The following CYP4Z1 variants were observed in gnomAD, a reference collection of about 807,000 sequenced individuals.
The protein encoded by CYP4Z1 is cytochrome P450 4Z1.
Under a neutral mutation model 54.2 loss-of-function variants are expected in CYP4Z1, and 41 were observed. That is an observed-to-expected ratio of 0.76 (90% confidence interval 0.59 to 0.98). CYP4Z1 has a LOEUF of 0.98. CYP4Z1 is among the 50% of genes least tolerant of loss of function. The pLI is 0.00. For synonymous variants in CYP4Z1, 163 were observed against 206.2 expected (o/e 0.79, Z 1.79); for missense variants, 513 against 599.0 (o/e 0.86, Z 1.50).
At chr1:47,093,918 C>G (rs1557628407) in intron 6 of CYP4Z1, among the ~76,000 whole-genome samples, 1 of 152,192 alleles carries the variant, frequency 6.6e-6, no homozygotes, top group Non-Finnish European at 1.5e-5. Context: ...TTGGCAGAGT[C>G]TTCAGGGTTT....
intron 10 of CYP4Z1, among the ~76,000 whole-genome samples, chr1:47,116,095 TC>T (rs952404906): frequency 2.6e-5 from 4 of 152,040 alleles, no homozygotes; most frequent in Admixed American, 2.6e-4. Flanking sequence ...ACAAGCACAC[TC>T]CTGGGCTGCA....
chr1:47,084,823 G>C lies in CYP4Z1; in HGVS notation c.618-1G>C. On this transcript the variant is annotated splice_acceptor_variant, in intron 5 of 11. Transcript: ENST00000334194. LOFTEE classifies it high-confidence loss of function. ...ATGTTGTTCCATCTTCCCTATTCCA[G>C]TACCCTGGACTCATACCTGAAAGCA... 1 of 1,538,174 alleles carries C rather than the reference G, an allele frequency of 6.5e-7. No homozygotes were observed. The highest frequency in any genetic ancestry group is 8.7e-7 in the Non-Finnish European group (1 of 1,151,806).
Position 47,094,609 on chromosome 1 carries a change from A to G in CYP4Z1, c.816A>G (p.Leu272=). The part of the protein sequence containing the change: ...QDRKESLKDK[L]KQDTTQKRRW... The stretch of plus-strand genomic sequence containing the variant: ...GGAAGGAGTCTCTTAAGGATAAGCT[A>G]AAACAAGATACTACTCAGAAAAGGC... Residue 272 remains leucine (L), a synonymous_variant, in exon 7 of 12, where the codon CTA becomes CTG. Coordinates refer to ENST00000334194, the MANE Select transcript of CYP4Z1 (RefSeq NM_178134.3). 6.2e-7 allele frequency: 1 copy of G among 1,610,298 alleles called. No homozygotes were observed. The highest frequency in any genetic ancestry group is 8.5e-7 in the Non-Finnish European group (1 of 1,178,842).
At chr1:47,109,582 G>C (rs531313854) in intron 9 of CYP4Z1, among the ~76,000 whole-genome samples, 39 of 152,204 alleles carry the variant, frequency 2.6e-4, no homozygotes, top group Non-Finnish European at 3.7e-4. Flanking sequence ...TCTGCTGACA[G>C]ATTGTGACTC....
At chr1:47,068,555 T>C (rs1428510433) in intron 1 of CYP4Z1, 67 bp from the exon 2 acceptor site, 5 of 1,579,728 alleles carry the variant, frequency 3.2e-6, no homozygotes, top group Non-Finnish European at 4.3e-6. Context: ...ACATGGTCCA[T>C]CCGAGGGAAA....
At chr1:47,114,378 G>C (rs1644814621) in intron 9 of CYP4Z1, among the ~76,000 whole-genome samples, 1 of 152,116 alleles carries the variant, frequency 6.6e-6, no homozygotes, top group Non-Finnish European at 1.5e-5. Context: ...TCAGGACATA[G>C]GCATGGGCAA....
In CYP4Z1 at chr1:47,068,698, G is replaced by T; in HGVS notation, c.254G>T (p.Gly85Val). The T allele has an allele frequency of 6.2e-7, 1 of 1,614,122 alleles. No individual in the cohort carries two copies. Among genetic ancestry groups the T allele is most frequent in the Non-Finnish European group, 8.5e-7 (1 of 1,180,006 alleles). Residue 85 changes from glycine to valine, a missense_variant, in exon 2 of 12, where the codon GGA (glycine) becomes GTA (valine). Transcript: ENST00000334194. ...KYPCAVPLWV[G>V]PFTMFFSVHD... ...CCATGTGCTGTTCCCTTGTGGGTTG[G>T]ACCCTTTACGATGTTCTTCAGTGTC...
intron 6 of CYP4Z1, among the ~76,000 whole-genome samples, chr1:47,087,830 T>G (rs1411648989): frequency 2.0e-5 from 3 of 152,168 alleles, no homozygotes; most frequent in Non-Finnish European, 2.9e-5. Flanking sequence ...TAGCTGTGGG[T>G]TTGTCATAAA....
chr1:47,068,657 G>A lies in CYP4Z1; in HGVS notation c.213G>A (p.Lys71=), dbSNP rs1284923874. 1.2e-6 allele frequency: 2 copies of A among 1,614,020 alleles called. No individual in the cohort carries two copies. The highest frequency in any genetic ancestry group is 3.3e-5 in the Admixed American group (2 of 59,994). ...TAAAGGAGTTTGAGGTGTATCATAAGCTGATGGAAAAATACCCATGTGCTG... is the reference window on the plus strand; with the variant it reads ...TAAAGGAGTTTGAGGTGTATCATAAACTGATGGAAAAATACCCATGTGCTG... The part of the protein sequence containing the change: ...YPVKEFEVYH[K]LMEKYPCAVP... The change falls in exon 2 of 12, where the codon AAG becomes AAA. Residue 71 remains lysine, a synonymous_variant. Coordinates refer to ENST00000334194, the MANE Select transcript of CYP4Z1 (RefSeq NM_178134.3).
intron 8 of CYP4Z1, among the ~76,000 whole-genome samples, chr1:47,104,931 G>A (rs12037014): frequency 0.43 from 65,048 of 151,382 alleles, 15,331 homozygotes; most frequent in East Asian, 0.96. Flanking sequence ...TTTTTTTGAG[G>A]CGGAGTTTTG....
chr1:47,105,398 C>G (rs1432269975), intron 8 of CYP4Z1, among the ~76,000 whole-genome samples: 3 of 152,102 alleles, frequency 2.0e-5, no homozygotes, highest in African/African-American at 7.3e-5. Context: ...CATGCAATCT[C>G]CAGCCGGCTC....
At chr1:47,094,236 C>T (rs1644659845) in intron 6 of CYP4Z1, among the ~76,000 whole-genome samples, 1 of 152,198 alleles carries the variant, frequency 6.6e-6, no homozygotes. Flanking sequence ...CAGTACCCTA[C>T]ATCACAAACA....
Position 47,084,861 on chromosome 1 carries a change from A to C in CYP4Z1, c.655A>C (p.Ser219Arg). The stretch of plus-strand genomic sequence containing the variant: ...ATACCTGAAAGCAGTGTTCAACCTT[A>C]GCAAAATCTCCAACCAGCGCATGAA... Reference protein sequence around the residue: ...DSYLKAVFNLSKISNQRMNNF... With the variant: ...DSYLKAVFNLRKISNQRMNNF... The change falls in exon 6 of 12, where the codon AGC becomes CGC. Residue 219 changes from serine to arginine, a missense_variant. Ser to Arg is a moderately radical substitution (Grantham distance 110). Coordinates refer to ENST00000334194, the MANE Select transcript of CYP4Z1 (RefSeq NM_178134.3). 2 of 1,523,436 alleles carry C rather than the reference A, an allele frequency of 1.3e-6. No homozygotes were observed. The highest frequency in any genetic ancestry group is 1.8e-6 in the Non-Finnish European group (2 of 1,138,072). 94.4% of individuals were successfully genotyped at this position (1,523,436 alleles called of 1,614,324 possible).
intron 8 of CYP4Z1, among the ~76,000 whole-genome samples, chr1:47,104,066 T>C (rs1644739843): frequency 6.6e-6 from 1 of 152,236 alleles, no homozygotes; most frequent in Admixed American, 6.5e-5. Flanking sequence ...GTGCATCTTG[T>C]GTAACAGTTG....
chr1:47,087,086 G>C (rs1644601406), intron 6 of CYP4Z1, among the ~76,000 whole-genome samples: 1 of 152,094 alleles, frequency 6.6e-6, no homozygotes, highest in South Asian at 2.1e-4. Flanking sequence ...ATGCTGTTTT[G>C]GTTACTGTAG....
At chr1:47,106,429 A>G (rs1644758282) in intron 9 of CYP4Z1, among the ~76,000 whole-genome samples, 168 bp downstream of exon 9, 1 of 152,060 alleles carries the variant, frequency 6.6e-6, no homozygotes, top group African/African-American at 2.4e-5. Flanking sequence ...GACTATCCAA[A>G]CAGGCACAGG....
At chr1:47,060,161 T>C in the CYP4Z1 span, among the ~76,000 whole-genome samples, 1 of 152,220 alleles carries the variant, frequency 6.6e-6, no homozygotes, top group East Asian at 1.9e-4. Flanking sequence ...CCCTTTCCAA[T>C]GTTTGCTCAA....
chr1:47,077,493 G>T (rs1644533599), intron 2 of CYP4Z1, among the ~76,000 whole-genome samples: 1 of 151,994 alleles, frequency 6.6e-6, no homozygotes. Flanking sequence ...GCATATTAAT[G>T]GGTCCCATTT....
At chr1:47,108,915 A>C (rs1442904486) in intron 9 of CYP4Z1, among the ~76,000 whole-genome samples, 1 of 152,102 alleles carries the variant, frequency 6.6e-6, no homozygotes, top group Non-Finnish European at 1.5e-5. Flanking sequence ...CTAGAATATC[A>C]GCTATTTCCT....
Sources: gnomAD v4.1 joint callset for allele counts (sites outside exome capture counted in the v4.1 genomes callset) on GRCh38, gnomAD v4.1.1 for gene constraint, MANE v1.5 for transcripts, NCBI Gene and HGNC (gene_info 2026-07-23, HGNC 2026-07-21) for gene names.